PLXDC2: variants seen among roughly 807,000 people sequenced by gnomAD.
PLXDC2 encodes plexin domain-containing protein 2.
Under a neutral mutation model 68.9 loss-of-function variants are expected in PLXDC2, and 40 were observed. The ratio of observed to expected loss-of-function variants is 0.58; its 90% CI spans 0.45 to 0.76. The LOEUF (loss-of-function observed/expected upper bound fraction) is 0.76. Ranked by LOEUF, PLXDC2 falls within the 30% of genes least tolerant of loss-of-function variation. PLXDC2 has a pLI of 0.00. For synonymous variants in PLXDC2, 243 were observed against 234.2 expected, an observed-to-expected ratio of 1.04 and a Z score of -0.34; for missense variants, 644 against 661.9, an observed-to-expected ratio of 0.97 and a Z score of 0.30.
At chr10:20,011,021 C>A (rs975661468) in intron 2 of PLXDC2, among the ~76,000 whole-genome samples, 1 of 152,196 alleles carries the variant, frequency 6.6e-6, no homozygotes, top group African/African-American at 2.4e-5. Context: ...GAGGACATAT[C>A]AAACATACTC....
chr10:19,874,963 A>C (rs1837606471), intron 1 of PLXDC2, among the ~76,000 whole-genome samples: 1 of 152,172 alleles, frequency 6.6e-6, no homozygotes, highest in Non-Finnish European at 1.5e-5. Context: ...TGGGAGAAGC[A>C]ACTGTCAGAA....
At chr10:20,089,050 T>A (rs1833238771) in intron 4 of PLXDC2, among the ~76,000 whole-genome samples, 1 of 152,120 alleles carries the variant, frequency 6.6e-6, no homozygotes, top group Non-Finnish European at 1.5e-5. Context: ...CTGTGCTTTG[T>A]CAGAACCATA....
At chr10:20,091,898 A>C (rs1833282320) in intron 4 of PLXDC2, 2 of 152,262 alleles carry the variant, frequency 1.3e-5, no homozygotes, top group South Asian at 4.2e-4. Context: ...AATTCCCTTC[A>C]TTTACCTCCA....
chr10:19,961,662 C>T (rs1280823427), intron 1 of PLXDC2, among the ~76,000 whole-genome samples: 3 of 152,200 alleles, frequency 2.0e-5, no homozygotes, highest in African/African-American at 7.2e-5. Flanking sequence ...GGCACTGATA[C>T]CCACATCAGC....
chr10:19,963,173 C>T (rs1008880054), intron 1 of PLXDC2, among the ~76,000 whole-genome samples: 3 of 151,996 alleles, frequency 2.0e-5, no homozygotes, highest in Non-Finnish European at 2.9e-5. Flanking sequence ...GAAGGGGAAT[C>T]CCTCACACAT....
In PLXDC2 at chr10:20,000,617, C is replaced by T. The variant is rs185865171; in HGVS notation, c.113-1158C>T. Among the ~76,000 whole-genome samples the T allele has an allele frequency of 7.7e-4, 117 of 152,228 alleles. 1 individual carries two copies. Among genetic ancestry groups the T allele is most frequent in the African/African-American group, 2.7e-3 (113 of 41,544 alleles). On this transcript the variant is annotated intron_variant, in intron 1 of 13. Coordinates refer to ENST00000377252, the MANE Select transcript of PLXDC2 (RefSeq NM_032812.9). Reference sequence around the variant, plus strand: ...CCTCTCTGTCTAGAAGAATTACTAGCACCTTTCTGAGTTGAAAAGGAGGTA... The same window carrying T: ...CCTCTCTGTCTAGAAGAATTACTAGTACCTTTCTGAGTTGAAAAGGAGGTA...
intron 4 of PLXDC2, among the ~76,000 whole-genome samples, chr10:20,077,352 T>C (rs1836468955): frequency 6.6e-6 from 1 of 152,084 alleles, no homozygotes; most frequent in African/African-American, 2.4e-5. Flanking sequence ...TATTTTTTAA[T>C]ACATTACAGA....
chr10:20,077,682 T>A (rs189605033), intron 4 of PLXDC2, among the ~76,000 whole-genome samples: 1 of 152,326 alleles, frequency 6.6e-6, no homozygotes, highest in East Asian at 1.9e-4. Flanking sequence ...ACAATTTCGT[T>A]AATAGCTTAT....
chr10:19,976,982 T>C (rs1166914249), intron 1 of PLXDC2, among the ~76,000 whole-genome samples: 3 of 152,164 alleles, frequency 2.0e-5, no homozygotes, highest in Admixed American at 6.5e-5. Context: ...AATTCTGTTC[T>C]TATTTCATGA....
At chr10:19,891,233 C>A (rs1030900051) in intron 1 of PLXDC2, among the ~76,000 whole-genome samples, 1 of 152,302 alleles carries the variant, frequency 6.6e-6, no homozygotes, top group South Asian at 2.1e-4. Context: ...TTTCTATTCT[C>A]TGGATAGTAA....
At chr10:20,245,029 G>A (rs761090943) in intron 12 of PLXDC2, among the ~76,000 whole-genome samples, 4 of 152,246 alleles carry the variant, frequency 2.6e-5, no homozygotes, top group East Asian at 3.9e-4. Flanking sequence ...CAGGAGAATC[G>A]CTTGAACCCA....
intron 6 of PLXDC2, among the ~76,000 whole-genome samples, chr10:20,149,214 C>CTTTT (rs71200985): frequency 6.2e-5 from 7 of 112,368 alleles, no homozygotes; most frequent in Non-Finnish European, 8.4e-5. Context: ...ATTTTTCTTT[C>CTTTT]TTTTTTTTTC....
rs201611274 is a variant in PLXDC2 at position 20,083,569 on chromosome 10, AT to A, written c.541+15333del. ...TTTTTGGTAAGACTGGATAGGAATA[AT>A]TTCTGCAGTGTATGTATTTGTTTTT... On this transcript the variant is annotated intron_variant, in intron 4 of 13. Transcript: ENST00000377252. Among the ~76,000 whole-genome samples, 1,453 of 152,250 alleles carry A rather than the reference AT, an allele frequency of 9.5e-3. 30 individuals carry two copies. The highest frequency in any genetic ancestry group is 0.034 in the African/African-American group (1,399 of 41,548).
chr10:19,840,297 C>G (rs1207870503), intron 1 of PLXDC2, among the ~76,000 whole-genome samples: 1 of 151,992 alleles, frequency 6.6e-6, no homozygotes, highest in Admixed American at 6.6e-5. Context: ...ACTAAAAACT[C>G]AAGTGTTTAA....
At chr10:20,199,015 G>A (rs1252021752) in intron 9 of PLXDC2, among the ~76,000 whole-genome samples, 3 of 151,940 alleles carry the variant, frequency 2.0e-5, no homozygotes, top group African/African-American at 4.8e-5. Context: ...TGGATATCCT[G>A]TATTATTTAT....
intron 1 of PLXDC2, among the ~76,000 whole-genome samples, chr10:19,878,525 G>A (rs981003883): frequency 6.6e-6 from 1 of 152,112 alleles, no homozygotes; most frequent in East Asian, 1.9e-4. Flanking sequence ...GTGAATGATA[G>A]AATTCCCAAA....
intron 2 of PLXDC2, among the ~76,000 whole-genome samples, chr10:20,023,227 A>G (rs946764224): frequency 2.0e-5 from 3 of 151,912 alleles, no homozygotes; most frequent in Non-Finnish European, 2.9e-5. Flanking sequence ...AGAATAAATG[A>G]TCGATAAATA....
intron 4 of PLXDC2, among the ~76,000 whole-genome samples, chr10:20,114,105 C>CA (rs1414638753): frequency 6.6e-6 from 1 of 152,192 alleles, no homozygotes; most frequent in Non-Finnish European, 1.5e-5. Context: ...GCCTGAGTGA[C>CA]AGAGTGAGAC....
intron 3 of PLXDC2, among the ~76,000 whole-genome samples, chr10:20,064,833 GC>G (rs1442105947): frequency 6.6e-6 from 1 of 152,050 alleles, no homozygotes; most frequent in Admixed American, 6.5e-5. Flanking sequence ...GAATGTCCCA[GC>G]CTCCTGACCT....
Sources: gnomAD v4.1 joint callset for allele counts (sites outside exome capture counted in the v4.1 genomes callset) on GRCh38, gnomAD v4.1.1 for gene constraint, MANE v1.5 for transcripts, NCBI Gene and HGNC (gene_info 2026-07-23, HGNC 2026-07-21) for gene names.